The following KAZN variants were observed in gnomAD, a reference collection of about 807,000 sequenced individuals.
The protein encoded by KAZN is kazrin, periplakin interacting protein, also known as kazrin.
Under a neutral mutation model 87.4 loss-of-function variants are expected in KAZN, and 40 were observed. The ratio of observed to expected loss-of-function variants is 0.46; its 90% confidence interval spans 0.36 to 0.60. The LOEUF is 0.60. KAZN is among the 20% of genes least tolerant of loss of function. The pLI is 0.00. For synonymous variants in KAZN, 466 were observed against 458.3 expected (o/e 1.02, Z -0.22); for missense variants, 898 against 1,073.9 (o/e 0.84, Z 2.29).
rs191367112 is a variant in KAZN, at chr1:14,544,254, C to G, written c.250-54729C>G. ...GGGGATTTTTTTTTCTAGATTTTCTCAAGGGATCTCAAATTCTAAGAACTG... is the reference window on the plus strand; with the variant it reads ...GGGGATTTTTTTTTCTAGATTTTCTGAAGGGATCTCAAATTCTAAGAACTG... On this transcript the variant is annotated intron_variant, in intron 2 of 16. Coordinates refer to the KAZN transcript ENST00000636203. Among the ~76,000 whole-genome samples, 295 of 149,546 alleles carry G rather than the reference C, an allele frequency of 2.0e-3. 2 individuals are homozygous for G. Among genetic ancestry groups the G allele is most frequent in the African/African-American group, 6.9e-3 (279 of 40,724 alleles).
chr1:14,696,764 C>T (rs1358691923), intron 1 of KAZN, among the ~76,000 whole-genome samples: 1 of 152,150 alleles, frequency 6.6e-6, no homozygotes, highest in Admixed American at 6.5e-5. Flanking sequence ...AACAAGCTCC[C>T]AGCGAGGCTG....
intron 1 of KAZN, among the ~76,000 whole-genome samples, chr1:14,054,990 G>A (rs1396360394): frequency 6.6e-6 from 1 of 152,146 alleles, no homozygotes; most frequent in African/African-American, 2.4e-5. Flanking sequence ...TGTTCTGTGT[G>A]TTATAGGATG....
At chr1:14,697,906 G>T (rs147780564) in intron 1 of KAZN, among the ~76,000 whole-genome samples, 1 of 152,128 alleles carries the variant, frequency 6.6e-6, no homozygotes, top group African/African-American at 2.4e-5. Flanking sequence ...CTTGCCAAAG[G>T]ATCCAGCAGA....
chr1:15,019,658 G>A (rs1265613783), intron 2 of KAZN, among the ~76,000 whole-genome samples: 1 of 152,170 alleles, frequency 6.6e-6, no homozygotes, highest in Non-Finnish European at 1.5e-5. Context: ...CAAAGTGCTG[G>A]GATTACAAGC....
At chr1:14,551,923 C>T (rs1401566569) in intron 2 of KAZN, among the ~76,000 whole-genome samples, 1 of 152,164 alleles carries the variant, frequency 6.6e-6, no homozygotes, top group Non-Finnish European at 1.5e-5. Context: ...GTCATGTACT[C>T]TTCTCTACTC....
In KAZN at chr1:13,894,338, G is replaced by A. The variant is rs377025072; in HGVS notation, c.91+582G>A. Among the ~76,000 whole-genome samples the A allele has an allele frequency of 3.9e-5, 6 of 152,186 alleles. No homozygotes were observed. The South Asian group carries it at 1.0e-3, about 26-fold the overall frequency. On this transcript the variant is annotated intron_variant, in intron 1 of 16. Transcript: ENST00000636203. ...ACGTTTTATACAGAAGGGAAAGATTGGCATGGGCTGCGGGCCTTATAACCC... is the reference window on the plus strand; with the variant it reads ...ACGTTTTATACAGAAGGGAAAGATTAGCATGGGCTGCGGGCCTTATAACCC...
At chr1:14,255,577 A>C (rs1650442126) in intron 2 of KAZN, among the ~76,000 whole-genome samples, 1 of 152,222 alleles carries the variant, frequency 6.6e-6, no homozygotes, top group Non-Finnish European at 1.5e-5. Flanking sequence ...TGCACCAATC[A>C]GAATGTTCCA....
At chr1:14,935,479 C>T (rs1660344002) in intron 1 of KAZN, among the ~76,000 whole-genome samples, 1 of 149,222 alleles carries the variant, frequency 6.7e-6, no homozygotes, top group Admixed American at 6.7e-5. Context: ...CCAGCAACAT[C>T]AGCAGTGCCC....
intron 2 of KAZN, among the ~76,000 whole-genome samples, chr1:15,025,722 G>A (rs1360369710): frequency 2.0e-5 from 3 of 152,154 alleles, no homozygotes; most frequent in African/African-American, 7.2e-5. Flanking sequence ...AAGATCATGG[G>A]CCTGAGCGAC....
At chr1:14,805,801 TAATAA>T (rs1646197835) in intron 1 of KAZN, among the ~76,000 whole-genome samples, 5 of 130,676 alleles carry the variant, frequency 3.8e-5, no homozygotes, top group African/African-American at 1.4e-4. Context: ...ATAATAATAA[TAATAA>T]ATTAAAATCT....
intron 1 of KAZN, among the ~76,000 whole-genome samples, chr1:14,709,563 C>A (rs2148818618): frequency 6.6e-6 from 1 of 152,286 alleles, no homozygotes; most frequent in South Asian, 2.1e-4. Flanking sequence ...CTGTGCCAAG[C>A]AGACGGTCCA....
At chr1:13,905,840 C>CTT (rs1639417147) in intron 1 of KAZN, among the ~76,000 whole-genome samples, 1 of 152,186 alleles carries the variant, frequency 6.6e-6, no homozygotes, top group Non-Finnish European at 1.5e-5. Flanking sequence ...ACCACAACCT[C>CTT]GGTGACTTAA....
chr1:14,749,495 G>A (rs900608872), intron 1 of KAZN, among the ~76,000 whole-genome samples: 10 of 152,166 alleles, frequency 6.6e-5, no homozygotes, highest in African/African-American at 2.4e-4. Flanking sequence ...TTCCACACAA[G>A]GAGGCAAATG....
At position 14,790,493 on chromosome 1, in the gene KAZN, T is replaced by C. The variant is rs541295493; in HGVS notation, c.227-170191T>C. 3.7e-3 allele frequency among the ~76,000 whole-genome samples: 562 copies of C among 152,356 alleles called. 3 individuals carry two copies. Among genetic ancestry groups the C allele is most frequent in the African/African-American group, 0.013 (526 of 41,578 alleles). The stretch of plus-strand genomic sequence containing the variant: ...TTTAAGTGTACAATTCAGCGATTTT[T>C]AGTATATTAACAGAGTTGTGCCACC... On this transcript the variant is annotated intron_variant, in intron 1 of 14. Coordinates refer to ENST00000376030, the MANE Select transcript of KAZN (RefSeq NM_201628.3).
chr1:14,331,288 C>G (rs932745424), intron 2 of KAZN, among the ~76,000 whole-genome samples: 1 of 152,142 alleles, frequency 6.6e-6, no homozygotes, highest in Non-Finnish European at 1.5e-5. Flanking sequence ...TAGCCCACCC[C>G]TAGGCTGTGA....
At chr1:15,109,769 GTC>G (rs149785707) in intron 13 of KAZN, among the ~76,000 whole-genome samples, 15,295 of 42,606 alleles carry the variant, frequency 0.36, 1,014 homozygotes, top group South Asian at 0.49. Context: ...GTGTCTGTAT[GTC>G]TGTGTATATA....
chr1:14,087,801 C>A (rs1279720095), intron 1 of KAZN, among the ~76,000 whole-genome samples: 2 of 151,850 alleles, frequency 1.3e-5, no homozygotes, highest in Non-Finnish European at 2.9e-5. Flanking sequence ...TGACATCAAC[C>A]CAGCTGGTCA....
At chr1:14,115,180 C>A (rs886312166) in intron 1 of KAZN, among the ~76,000 whole-genome samples, 1 of 152,242 alleles carries the variant, frequency 6.6e-6, no homozygotes, top group Non-Finnish European at 1.5e-5. Context: ...GACTTGCAGA[C>A]AGCCACTTTC....
At chr1:13,929,044 A>G (rs1282934666) in intron 1 of KAZN, among the ~76,000 whole-genome samples, 1 of 107,816 alleles carries the variant, frequency 9.3e-6, no homozygotes, top group Non-Finnish European at 1.8e-5. Context: ...TTCAGCTTCA[A>G]GGCTTTTTTT....
Sources: allele counts gnomAD v4.1 joint callset (sites outside exome capture counted in the v4.1 genomes callset), GRCh38; gene constraint gnomAD v4.1.1; transcripts MANE v1.5; gene names NCBI Gene and HGNC (gene_info 2026-07-23, HGNC 2026-07-21).